Variants in PTPRK observed in about 807,000 individuals in gnomAD.
PTPRK encodes the protein protein tyrosine phosphatase receptor type K.
PTPRK carries 75 observed loss-of-function variants against 178.0 expected under a neutral mutation model. That is an observed-to-expected ratio of 0.42 (90% CI 0.35 to 0.51). The LOEUF is 0.51. Ranked by LOEUF, PTPRK falls within the 20% of genes least tolerant of loss-of-function variation. The pLI is 0.02. For synonymous variants in PTPRK, 637 were observed against 620.6 expected (o/e 1.03, Z -0.39); for missense variants, 1,441 against 1,797.8 (o/e 0.80, Z 3.59).
chr6:128,328,893 C>G (rs1273502935), intron 2 of PTPRK, among the ~76,000 whole-genome samples: 1 of 152,114 alleles, frequency 6.6e-6, no homozygotes, highest in Non-Finnish European at 1.5e-5. Context: ...TCTTTAGTAT[C>G]TGTCTCAATA....
intron 5 of PTPRK, among the ~76,000 whole-genome samples, chr6:128,224,986 T>C (rs1811033911): frequency 6.6e-6 from 1 of 152,180 alleles, no homozygotes; most frequent in Admixed American, 6.5e-5. Flanking sequence ...AATGAAATAA[T>C]ACATTTGGTT....
intron 2 of PTPRK, among the ~76,000 whole-genome samples, chr6:128,336,443 C>G (rs1830941909): frequency 6.6e-6 from 1 of 152,114 alleles, no homozygotes; most frequent in African/African-American, 2.4e-5. Context: ...GCACAGATGT[C>G]CTTCCCCTAC....
chr6:128,265,213 C>A (rs1818763326), intron 3 of PTPRK, among the ~76,000 whole-genome samples: 1 of 152,252 alleles, frequency 6.6e-6, no homozygotes, highest in Middle Eastern at 3.4e-3. Flanking sequence ...ACCCGATATA[C>A]CTTGTCCTAC....
At chr6:128,288,785 T>C (rs1477871309) in intron 3 of PTPRK, among the ~76,000 whole-genome samples, 1 of 152,160 alleles carries the variant, frequency 6.6e-6, no homozygotes, top group African/African-American at 2.4e-5. Context: ...TAACATTAAG[T>C]ATATGTTATA....
intron 1 of PTPRK, among the ~76,000 whole-genome samples, chr6:128,505,105 T>A (rs1031453172): frequency 1.4e-5 from 2 of 143,754 alleles, no homozygotes; most frequent in Admixed American, 1.4e-4. Flanking sequence ...AGAAATTTAC[T>A]TGTTTTTTTT....
chr6:127,973,222 A>G, intron 28 of PTPRK, 65 bp from the exon 29 acceptor site: 1 of 1,584,972 alleles, frequency 6.3e-7, no homozygotes, highest in Non-Finnish European at 8.6e-7. Context: ...TCACACCATC[A>G]TATATGTTTG....
intron 13 of PTPRK, among the ~76,000 whole-genome samples, chr6:128,015,256 T>TA (rs963235619): frequency 8.6e-4 from 131 of 151,844 alleles, no homozygotes; most frequent in Admixed American, 9.9e-4. Flanking sequence ...TATATAATGG[T>TA]AAAAAAAGTA....
At chr6:128,111,586 C>CA (rs1303498932) in intron 7 of PTPRK, among the ~76,000 whole-genome samples, 2 of 151,348 alleles carry the variant, frequency 1.3e-5, no homozygotes, top group Admixed American at 6.6e-5. Context: ...TAGTTTTATG[C>CA]TTACTTAAAA....
intron 1 of PTPRK, among the ~76,000 whole-genome samples, chr6:128,503,115 A>C (rs1855801701): frequency 6.6e-6 from 1 of 152,158 alleles, no homozygotes; most frequent in Non-Finnish European, 1.5e-5. Context: ...AATCTCAGCT[A>C]CTCAGGAGGA....
At position 128,357,165 on chromosome 6, in the gene PTPRK, C is replaced by A. The variant is rs189704104; in HGVS notation, c.224-34855G>T. ...GAACCAAGAAACAGATAAAATTTTT[C>A]TCCTTCACATTTTCTTTTGCCTGTA... On this transcript the variant is annotated intron_variant, in intron 2 of 29. Transcript: ENST00000368226. 7.1e-4 allele frequency among the ~76,000 whole-genome samples: 108 copies of A among 152,234 alleles called. 1 individual carries two copies. The highest frequency in any genetic ancestry group is 2.4e-3 in the African/African-American group (101 of 41,532).
intron 2 of PTPRK, among the ~76,000 whole-genome samples, chr6:128,330,482 A>G (rs181534511): frequency 3.6e-4 from 55 of 152,010 alleles, no homozygotes; most frequent in African/African-American, 1.3e-3. Flanking sequence ...CCCTTCCTTC[A>G]CTTTCCTCTT....
intron 17 of PTPRK, among the ~76,000 whole-genome samples, chr6:127,996,177 T>A (rs1777130507): frequency 6.6e-6 from 1 of 152,028 alleles, no homozygotes; most frequent in African/African-American, 2.4e-5. Flanking sequence ...ATAAATAATA[T>A]CGAACAACTG....
chr6:128,181,161 A>ATTT (rs1382792757), intron 7 of PTPRK, among the ~76,000 whole-genome samples: 1 of 152,112 alleles, frequency 6.6e-6, no homozygotes, highest in Non-Finnish European at 1.5e-5. Context: ...AAAATGTAAA[A>ATTT]TTTATTTTTT....
intron 7 of PTPRK, among the ~76,000 whole-genome samples, chr6:128,148,109 T>C (rs778342326): frequency 6.6e-6 from 1 of 152,274 alleles, no homozygotes; most frequent in East Asian, 1.9e-4. Flanking sequence ...CCATATTTGG[T>C]TGAACCACAG....
chr6:128,423,940 G>T (rs1384353454), intron 1 of PTPRK, among the ~76,000 whole-genome samples: 1 of 152,064 alleles, frequency 6.6e-6, no homozygotes, highest in Non-Finnish European at 1.5e-5. Context: ...GTTTATTATG[G>T]CTGGGTGTGG....
intron 5 of PTPRK, among the ~76,000 whole-genome samples, chr6:128,230,459 C>T (rs1324568120): frequency 1.3e-5 from 2 of 152,120 alleles, no homozygotes; most frequent in African/African-American, 4.8e-5. Context: ...TTATGCCTGG[C>T]ACAGAGCACA....
chr6:128,020,071 A>G (rs1773256403), intron 13 of PTPRK, among the ~76,000 whole-genome samples: 1 of 152,180 alleles, frequency 6.6e-6, no homozygotes, highest in African/African-American at 2.4e-5. Flanking sequence ...AATAGGATGA[A>G]ATTAAAATTT....
At chr6:128,238,544 T>C (rs996118666) in intron 5 of PTPRK, among the ~76,000 whole-genome samples, 2 of 152,178 alleles carry the variant, frequency 1.3e-5, no homozygotes, top group African/African-American at 4.8e-5. Flanking sequence ...AAAGACTATA[T>C]AGCTCACAAC....
intron 1 of PTPRK, among the ~76,000 whole-genome samples, chr6:128,472,130 CTCCAGAGAGG>C (rs1850762117): frequency 1.3e-5 from 2 of 152,080 alleles, no homozygotes; most frequent in Non-Finnish European, 2.9e-5. Flanking sequence ...TGCTTCTTCC[CTCCAGAGAGG>C]ATAAAGCCAA....
Sources: gnomAD v4.1 joint callset for allele counts (sites outside exome capture counted in the v4.1 genomes callset) on GRCh38, gnomAD v4.1.1 for gene constraint, MANE v1.5 for transcripts, NCBI Gene and HGNC (gene_info 2026-07-23, HGNC 2026-07-21) for gene names.